Variants in IGLL5 observed in about 807,000 individuals in gnomAD.
IGLL5 encodes immunoglobulin lambda-like polypeptide 5.
A neutral mutation model predicts 20.9 loss-of-function variants in IGLL5; 30 were observed. The ratio of observed to expected loss-of-function variants is 1.44; its 90% CI spans 1.07 to 1.95. The LOEUF (loss-of-function observed/expected upper bound fraction) is 1.95. IGLL5 is among the 30% of genes most tolerant of loss of function. The pLI is 0.00. For missense variants in IGLL5, 475 were observed against 270.7 expected, an observed-to-expected ratio of 1.75 and a Z score of -5.30; for synonymous variants, 203 against 117.3, an observed-to-expected ratio of 1.73 and a Z score of -4.72.
intron 1 of IGLL5, among the ~76,000 whole-genome samples, chr22:22,890,553 TTGTG>T (rs3029157): frequency 0.053 from 6,383 of 120,812 alleles, 143 homozygotes; most frequent in Middle Eastern, 0.058. Context: ...CAGTGGAAAT[TTGTG>T]TGTGTGTGTG....
chr22:22,888,200 C>T lies in IGLL5; in HGVS notation c.147C>T (p.Asp49=), dbSNP rs772823018. The T allele has an allele frequency of 3.2e-6, 5 of 1,548,724 alleles. No homozygotes were observed. The highest frequency in any genetic ancestry group is 4.4e-6 in the Non-Finnish European group (5 of 1,146,538). ...LRPMVAPQSG[D]PDPGASVGSS... ...CAATGGTTGCACCGCAAAGCGGGGACCCAGACCCTGGAGCCTCAGTTGGAA... is the reference window on the plus strand; with the variant it reads ...CAATGGTTGCACCGCAAAGCGGGGATCCAGACCCTGGAGCCTCAGTTGGAA... Residue 49 remains aspartate (D), a synonymous_variant, in exon 1 of 3, where the codon GAC becomes GAT. Transcript: ENST00000526893.
intron 2 of IGLL5, among the ~76,000 whole-genome samples, chr22:22,894,409 A>G (rs1773127304): frequency 6.6e-6 from 1 of 151,446 alleles, no homozygotes; most frequent in African/African-American, 2.4e-5. Flanking sequence ...GGGGACACAG[A>G]GGGACGGGTG....
At chr22:22,890,240 C>G (rs1324851671) in intron 1 of IGLL5, among the ~76,000 whole-genome samples, 1 of 148,970 alleles carries the variant, frequency 6.7e-6, no homozygotes, top group Non-Finnish European at 1.5e-5. Context: ...CTCACCTCTT[C>G]CCAGAGATAG....
intron 1 of IGLL5, among the ~76,000 whole-genome samples, chr22:22,892,715 G>A (rs1256662562): frequency 6.6e-6 from 1 of 150,944 alleles, no homozygotes; most frequent in Non-Finnish European, 1.5e-5. Context: ...AAGAAGAGAG[G>A]TAAGGGCTGG....
chr22:22,888,161 T>G lies in IGLL5; in HGVS notation c.108T>G (p.His36Gln), dbSNP rs561199169. The G allele has an allele frequency of 2.6e-6, 4 of 1,549,172 alleles. No homozygotes were observed. The highest frequency in any genetic ancestry group is 2.5e-5 in the East Asian group (1 of 40,638). Residue 36 changes from histidine to glutamine, a missense_variant, in exon 1 of 3, where the codon CAT (histidine) becomes CAG (glutamine). His to Gln is a conservative substitution (Grantham distance 24). Coordinates refer to ENST00000526893, the MANE Select transcript of IGLL5 (RefSeq NM_001178126.2). ...TGCTGGGTCTGGCCATGGTCGCCCA[T>G]GGCCTGCTGCGCCCAATGGTTGCAC... ...LLLLGLAMVA[H>Q]GLLRPMVAPQ... is the part of the protein sequence containing the mutation.
In IGLL5 at chr22:22,893,737, A is replaced by T; in HGVS notation, c.244A>T (p.Arg82Trp). The T allele has an allele frequency of 6.2e-7, 1 of 1,607,188 alleles. No individual in the cohort carries two copies. The highest frequency in any genetic ancestry group is 8.5e-7 in the Non-Finnish European group (1 of 1,176,938). Residue 82 changes from arginine (R) to tryptophan (W), a missense_variant, in exon 2 of 3, where the codon AGG becomes TGG. Transcript: ENST00000526893. Reference protein sequence around the residue: ...LQPSPQRADPRCWPRGFWSEP... With the variant: ...LQPSPQRADPWCWPRGFWSEP... ...GCCCAGCCCCCAGAGAGCAGACCCCAGGTGCTGGCCCCGGGGGTTTTGGTC... is the reference window on the plus strand; with the variant it reads ...GCCCAGCCCCCAGAGAGCAGACCCCTGGTGCTGGCCCCGGGGGTTTTGGTC...
At chr22:22,889,364 T>A (rs1158714445) in intron 1 of IGLL5, among the ~76,000 whole-genome samples, 2 of 151,164 alleles carry the variant, frequency 1.3e-5, no homozygotes, top group Non-Finnish European at 1.5e-5. Context: ...GTATAACCAT[T>A]TTAGCAACAG....
intron 1 of IGLL5, among the ~76,000 whole-genome samples, chr22:22,889,156 G>A (rs182576203): frequency 6.6e-6 from 1 of 151,198 alleles, no homozygotes; most frequent in Admixed American, 6.6e-5. Context: ...CCGATTAGAG[G>A]AGGGAGGAGA....
rs1161688155 is a variant in IGLL5 at position 22,895,647 on chromosome 22, G to T, written c.598G>T (p.Glu200Ter). The change falls in exon 3 of 3, where the codon GAA becomes TAA. Residue 200 changes from glutamate to a stop codon, truncating the protein, a stop_gained. Coordinates refer to ENST00000526893, the MANE Select transcript of IGLL5 (RefSeq NM_001178126.2). LOFTEE classifies it high-confidence loss of function. Reference sequence around the variant, plus strand: ...AAGCTACAGCTGCCAGGTCACGCATGAAGGGAGCACCGTGGAGAAGACAGT... The same window carrying T: ...AAGCTACAGCTGCCAGGTCACGCATTAAGGGAGCACCGTGGAGAAGACAGT... ...HRSYSCQVTHEGSTVEKTVAP... is the reference protein window; with the variant it reads ...HRSYSCQVTH 6.2e-7 allele frequency: 1 copy of T among 1,613,318 alleles called. No individual in the cohort carries two copies. Among genetic ancestry groups the T allele is most frequent in the Non-Finnish European group, 8.5e-7 (1 of 1,179,770 alleles).
intron 1 of IGLL5, among the ~76,000 whole-genome samples, chr22:22,888,898 T>C (rs567347643): frequency 2.0e-5 from 3 of 151,314 alleles, no homozygotes; most frequent in South Asian, 2.1e-4. Flanking sequence ...CAGGCTGGTC[T>C]CACAGATCGA....
At position 22,890,054 on chromosome 22, in the gene IGLL5, T is replaced by C. The variant is rs1217452112; in HGVS notation, c.206+1795T>C. Reference sequence around the variant, plus strand: ...GAAGTTGTTCACAAAAAGAGACATTTCTTCTAATATAATTTTTAATACAAC... The same window carrying C: ...GAAGTTGTTCACAAAAAGAGACATTCCTTCTAATATAATTTTTAATACAAC... On this transcript the variant is annotated intron_variant, in intron 1 of 2. Coordinates refer to ENST00000526893, the MANE Select transcript of IGLL5 (RefSeq NM_001178126.2). Among the ~76,000 whole-genome samples, 3 of 151,100 alleles carry C rather than the reference T, an allele frequency of 2.0e-5. No individual in the cohort carries two copies. In the East Asian group the frequency reaches 6.1e-4, roughly 31 times the overall value.
In IGLL5 at chr22:22,895,252, G is replaced by T. The variant is rs2066735330; in HGVS notation, c.326-123G>T. On this transcript the variant is annotated intron_variant, in intron 2 of 2. Coordinates refer to ENST00000526893, the MANE Select transcript of IGLL5 (RefSeq NM_001178126.2). Reference sequence around the variant, plus strand: ...GAAAGGATGGGGAAAGAAGAGGAGAGAACCCCGGGTGGACCGGATGGCCAC... The same window carrying T: ...GAAAGGATGGGGAAAGAAGAGGAGATAACCCCGGGTGGACCGGATGGCCAC... 2.1e-5 allele frequency: 18 copies of T among 870,626 alleles called. 1 individual carries two copies. The South Asian group carries it at 2.4e-4, about 12-fold the overall frequency. The allele number at this position is 870,626 out of a possible 1,614,324, so 53.9% of individuals were successfully genotyped here. A position where few individuals can be genotyped will look rare whatever the true frequency, so the allele number is the denominator to read the frequency against.
At chr22:22,889,658 G>C (rs1270270452) in intron 1 of IGLL5, among the ~76,000 whole-genome samples, 2 of 151,380 alleles carry the variant, frequency 1.3e-5, no homozygotes, top group Admixed American at 6.6e-5. Context: ...CGTGGCCACA[G>C]CTCACTGCAG....
chr22:22,888,486 T>C (rs192940590), intron 1 of IGLL5, among the ~76,000 whole-genome samples: 4 of 151,450 alleles, frequency 2.6e-5, no homozygotes, highest in South Asian at 2.1e-4. Flanking sequence ...TTCTGAGTTT[T>C]CTGGCGCCAC....
intron 2 of IGLL5, among the ~76,000 whole-genome samples, chr22:22,894,064 T>C (rs571448112): frequency 2.0e-5 from 3 of 151,314 alleles, no homozygotes; most frequent in Admixed American, 6.6e-5. Flanking sequence ...GGGTCAGGGC[T>C]CCTCCTCTCT....
intron 1 of IGLL5, among the ~76,000 whole-genome samples, chr22:22,889,345 A>T (rs9620187): frequency 6.6e-6 from 1 of 151,104 alleles, no homozygotes; most frequent in Non-Finnish European, 1.5e-5. Flanking sequence ...GTCTATGGGC[A>T]TTAAAAATGT....
chr22:22,889,428 A>G (rs2067717982), intron 1 of IGLL5, among the ~76,000 whole-genome samples: 2 of 151,308 alleles, frequency 1.3e-5, no homozygotes, highest in South Asian at 2.1e-4. Flanking sequence ...TTCCACTTCT[A>G]GGAATTTATC....
intron 1 of IGLL5, among the ~76,000 whole-genome samples, chr22:22,889,040 T>G (rs555158768): frequency 2.6e-5 from 4 of 151,272 alleles, no homozygotes; most frequent in East Asian, 2.0e-4. Flanking sequence ...CCGTGCACCA[T>G]TCCCAGTCCA....
intron 2 of IGLL5, among the ~76,000 whole-genome samples, chr22:22,894,381 G>C (rs569587621): frequency 2.6e-5 from 4 of 151,438 alleles, no homozygotes; most frequent in South Asian, 2.1e-4. Context: ...TGTGGCCTGT[G>C]CTGGGTCATG....
Sources: gnomAD v4.1 joint callset for allele counts (sites outside exome capture counted in the v4.1 genomes callset) on GRCh38, gnomAD v4.1.1 for gene constraint, MANE v1.5 for transcripts, NCBI Gene and HGNC (gene_info 2026-07-23, HGNC 2026-07-21) for gene names.